MED1: variants seen among roughly 807,000 people sequenced by gnomAD.
The protein encoded by MED1 is mediator of RNA polymerase II transcription subunit 1.
In MED1, 17 loss-of-function variants were observed where a neutral mutation model predicts 121.3. The ratio of observed to expected loss-of-function variants is 0.14; its 90% CI spans 0.10 to 0.21. The LOEUF (loss-of-function observed/expected upper bound fraction) is 0.21. MED1 is among the 10% of genes least tolerant of loss of function. The pLI is 1.00. For synonymous variants in MED1, 661 were observed against 694.4 expected (o/e 0.95, Z 0.76); for missense variants, 1,558 against 1,919.4 (o/e 0.81, Z 3.52).
chr17:39,436,770 CTTTA>C (rs758212794), intron 6 of MED1, among the ~76,000 whole-genome samples: 2 of 151,728 alleles, frequency 1.3e-5, no homozygotes, highest in Non-Finnish European at 1.5e-5. Context: ...ACACATAATT[CTTTA>C]TTATTTTTTT....
chr17:39,443,674 A>T, intron 2 of MED1, 46 bp from the exon 3 acceptor site: 2 of 1,484,660 alleles, frequency 1.3e-6, no homozygotes, highest in East Asian at 4.5e-5. Flanking sequence ...AACCAGGCCA[A>T]CAGTGTTTTA....
At position 39,410,047 on chromosome 17, in the gene MED1, T is replaced by A; in HGVS notation, c.2174A>T (p.Asp725Val). The A allele has an allele frequency of 6.2e-7, 1 of 1,614,148 alleles. No homozygotes were observed. Among genetic ancestry groups the A allele is most frequent in the Non-Finnish European group, 8.5e-7 (1 of 1,180,026 alleles). ...MDVDSQNPIF[D>V]VNMTADTLDT... is the part of the protein sequence containing the mutation. ...CAGCGTGTCAGCTGTCATGTTGACA[T>A]CAAAGATAGGGTTCTGTGAGTCAAC... Residue 725 changes from aspartate (D) to valine (V), a missense_variant, in exon 17 of 17, where the codon GAT (aspartate) becomes GTT (valine). Around this residue, in one of 5 missense-constraint regions of MED1, gnomAD observed 793 missense variants for 898.2 expected, o/e 0.88. Transcript: ENST00000300651.
chr17:39,426,919 C>A, intron 10 of MED1, among the ~76,000 whole-genome samples: 1 of 149,450 alleles, frequency 6.7e-6, no homozygotes, highest in South Asian at 2.1e-4. Context: ...GAAAACTTCA[C>A]TTTTTTTTTG....
chr17:39,421,073 G>T (rs2048459134), intron 13 of MED1, among the ~76,000 whole-genome samples: 1 of 151,282 alleles, frequency 6.6e-6, no homozygotes, highest in Non-Finnish European at 1.5e-5. Flanking sequence ...TAGGATTACA[G>T]GCGTGAGCCA....
chr17:39,425,063 T>G (rs2144741044), intron 10 of MED1, among the ~76,000 whole-genome samples: 1 of 152,164 alleles, frequency 6.6e-6, no homozygotes, highest in South Asian at 2.1e-4. Flanking sequence ...GTATTTTTAG[T>G]AGAGATGGGG....
intron 10 of MED1, among the ~76,000 whole-genome samples, chr17:39,425,301 A>G (rs1306460530): frequency 6.6e-6 from 1 of 151,888 alleles, no homozygotes; most frequent in Non-Finnish European, 1.5e-5. Flanking sequence ...AGAAATTTTC[A>G]TGCCTCAGCC....
Position 39,407,004 on chromosome 17 carries a change from ACTAC to A in MED1, c.*467_*470del, listed in dbSNP as rs763095292. On this transcript the variant is annotated 3_prime_UTR_variant, in exon 17 of 17. Coordinates refer to ENST00000300651, the MANE Select transcript of MED1 (RefSeq NM_004774.4). ...CATTTGCCCATGACTCAAACGGACA[ACTAC>A]CTCAAACAAAGTTGAACAACCTTCA... 1.0e-6 allele frequency: 1 copy of A among 986,982 alleles called. No individual in the cohort carries two copies. Among genetic ancestry groups the A allele is most frequent in the Non-Finnish European group, 1.2e-6 (1 of 830,652 alleles). The allele number at this position is 986,982 out of a possible 1,614,324, so 61.1% of individuals were successfully genotyped here.
rs1346308762 is a variant in MED1, at chr17:39,406,028, C to T, written c.*1447G>A. ...GCAGGTGTCAATATCAAAGTAAGGCCGCAGAATTTTTGAGAGGACCCTCCA... is the reference window on the plus strand; with the variant it reads ...GCAGGTGTCAATATCAAAGTAAGGCTGCAGAATTTTTGAGAGGACCCTCCA... On this transcript the variant is annotated 3_prime_UTR_variant, in exon 17 of 17. Transcript: ENST00000300651. 8 of 985,186 alleles carry T rather than the reference C, an allele frequency of 8.1e-6. No individual in the cohort carries two copies. Among genetic ancestry groups the T allele is most frequent in the East Asian group, 1.1e-4 (1 of 8,960 alleles). The allele number at this position is 985,186 out of a possible 1,614,324, so 61.0% of individuals were successfully genotyped here.
At chr17:39,429,025 A>T (rs975123158) in intron 9 of MED1, among the ~76,000 whole-genome samples, 6 of 143,330 alleles carry the variant, frequency 4.2e-5, no homozygotes, top group Non-Finnish European at 6.2e-5. Context: ...CAATTGATTT[A>T]AAAAAAAAAA....
chr17:39,444,784 G>A (rs1238339309), intron 2 of MED1, among the ~76,000 whole-genome samples: 5 of 151,542 alleles, frequency 3.3e-5, no homozygotes, highest in African/African-American at 9.7e-5. Context: ...CAGGAGAATC[G>A]CTTGACCCGG....
chr17:39,405,749 A>C lies in MED1; in HGVS notation c.*1726T>G. On this transcript the variant is annotated 3_prime_UTR_variant, in exon 17 of 17. Coordinates refer to ENST00000300651, the MANE Select transcript of MED1 (RefSeq NM_004774.4). ...GAGTTGTTGAGAGCTGATGACAATA[A>C]AAAGGAGAACACTAGAGGAAATGAG... 1.0e-6 allele frequency: 1 copy of C among 988,520 alleles called. No homozygotes were observed. Among genetic ancestry groups the C allele is most frequent in the Non-Finnish European group, 1.2e-6 (1 of 831,890 alleles). The allele number at this position is 988,520 out of a possible 1,614,324, so 61.2% of individuals were successfully genotyped here.
In MED1 at chr17:39,409,899, G is replaced by A; in HGVS notation, c.2322C>T (p.Ser774=). ...QRMVRLSSSD[S]IGPDVTDILS... ...GGATGTCAGTTACATCTGGGCCAAT[G>A]CTGTCTGAACTGGATAGTCGGACCA... The change falls in exon 17 of 17, where the codon AGC becomes AGT. Residue 774 remains serine, a synonymous_variant. Transcript: ENST00000300651. The A allele has an allele frequency of 6.2e-7, 1 of 1,614,132 alleles. No individual in the cohort carries two copies. Among genetic ancestry groups the A allele is most frequent in the Non-Finnish European group, 8.5e-7 (1 of 1,180,020 alleles).
At chr17:39,447,745 T>C in intron 2 of MED1, 53 bp downstream of exon 2, 3 of 1,297,520 alleles carry the variant, frequency 2.3e-6, no homozygotes, top group Non-Finnish European at 1.1e-6. Flanking sequence ...GCTTAGCGTA[T>C]TAAGAATAAT....
intron 13 of MED1, 63 bp downstream of exon 13, chr17:39,423,264 A>T: frequency 8.3e-7 from 1 of 1,198,086 alleles, no homozygotes; most frequent in Non-Finnish European, 1.2e-6. Context: ...GCTATAAAGG[A>T]AGATTATGAT....
intron 13 of MED1, 130 bp from the exon 14 acceptor site, chr17:39,420,048 A>AT: frequency 2.9e-6 from 2 of 686,178 alleles, no homozygotes; most frequent in South Asian, 1.9e-5. Flanking sequence ...TCATCAGCTG[A>AT]TATTATAAAT....
rs1373206412 is a variant in MED1, at chr17:39,413,079, T to A, written c.1499+1947A>T. ...ACTATCACGTAACAATTAAGTTGGC[T>A]TTTTGTTTGTTTTGAGATGGCATCT... On this transcript the variant is annotated intron_variant, in intron 16 of 16. Transcript: ENST00000300651. Among the ~76,000 whole-genome samples the A allele has an allele frequency of 6.6e-5, 10 of 152,068 alleles. No individual in the cohort carries two copies. The East Asian group carries it at 1.9e-3, about 29-fold the overall frequency.
chr17:39,431,236 C>T, intron 8 of MED1, 48 bp from the exon 9 acceptor site: 1 of 1,440,658 alleles, frequency 6.9e-7, no homozygotes, highest in African/African-American at 1.4e-5. Flanking sequence ...CCCTGATGGT[C>T]TTGGTACACA....
At chr17:39,415,885 A>G (rs1041119521) in intron 14 of MED1, among the ~76,000 whole-genome samples, 35 of 150,326 alleles carry the variant, frequency 2.3e-4, no homozygotes, top group Admixed American at 4.0e-4. Context: ...AGCTACTCAG[A>G]GGGCTGAGAC....
rs1377084657 is a variant in MED1, at chr17:39,406,918, A to G, written c.*557T>C. The G allele has an allele frequency of 7.1e-6, 7 of 985,848 alleles. No homozygotes were observed. In the East Asian group the frequency reaches 7.8e-4, roughly 110 times the overall value. 61.1% of individuals were successfully genotyped at this position (985,848 alleles called of 1,614,324 possible). On this transcript the variant is annotated 3_prime_UTR_variant, in exon 17 of 17. Transcript: ENST00000300651. ...TAGCTAAAATAATCTTCCCTCCCCC[A>G]GTCACTCCTAAGAAACAGACACCAA...
Sources: allele counts gnomAD v4.1 joint callset (sites outside exome capture counted in the v4.1 genomes callset), GRCh38; gene constraint gnomAD v4.1.1; regional missense constraint gnomAD v4.1.1; transcripts MANE v1.5; gene names NCBI Gene and HGNC (gene_info 2026-07-23, HGNC 2026-07-21).